Variants in SSUH2 observed in about 807,000 individuals in gnomAD.
SSUH2 encodes protein SSUH2 homolog.
A neutral mutation model predicts 55.3 loss-of-function variants in SSUH2; 47 were observed. The observed-to-expected ratio is 0.85, with a 90% CI of 0.67 to 1.08. The LOEUF (loss-of-function observed/expected upper bound fraction) is 1.08, where lower values mean the gene tolerates loss of function less well. SSUH2 is among the 50% of genes least tolerant of loss of function. The pLI is 0.00. For synonymous variants in SSUH2, 212 were observed against 191.5 expected (o/e 1.11, Z -0.89); for missense variants, 535 against 490.7 (o/e 1.09, Z -0.85).
chr3:8,671,884 CT>C (rs1434831240), intron 4 of SSUH2: 3 of 146,734 alleles, frequency 2.0e-5, no homozygotes, highest in Admixed American at 6.7e-5. Context: ...TATCACCCCC[CT>C]CTCCCCACCT....
chr3:8,681,096 C>A (rs546307730), intron 1 of SSUH2, among the ~76,000 whole-genome samples: 1 of 101,078 alleles, frequency 9.9e-6, no homozygotes, highest in Non-Finnish European at 2.4e-5. Flanking sequence ...GGGAGAGGCA[C>A]CCCCGCGAGG....
intron 4 of SSUH2, among the ~76,000 whole-genome samples, chr3:8,671,619 G>A (rs754039971): frequency 6.6e-6 from 1 of 152,144 alleles, no homozygotes; most frequent in Non-Finnish European, 1.5e-5. Flanking sequence ...TCTCAAGTGT[G>A]TAGAGTCCTG....
chr3:8,651,454 C>T (rs1274582128), intron 7 of SSUH2, among the ~76,000 whole-genome samples: 1 of 152,166 alleles, frequency 6.6e-6, no homozygotes, highest in African/African-American at 2.4e-5. Context: ...CAGTGAGTAG[C>T]AGACCATGGC....
chr3:8,622,120 T>C (rs968671150), intron 11 of SSUH2, among the ~76,000 whole-genome samples: 3 of 152,104 alleles, frequency 2.0e-5, no homozygotes, highest in Admixed American at 2.0e-4. Context: ...GGCTGGGAGA[T>C]GGAATTTAGC....
chr3:8,633,817 G>A, intron 3 of SSUH2, 22 bp from the exon 4 acceptor site: 4 of 1,612,220 alleles, frequency 2.5e-6, no homozygotes, highest in Non-Finnish European at 2.5e-6. Context: ...CGAACAGAGA[G>A]GCGGGGGCTT....
At chr3:8,652,429 A>G (rs1453442275) in intron 7 of SSUH2, among the ~76,000 whole-genome samples, 1 of 152,216 alleles carries the variant, frequency 6.6e-6, no homozygotes, top group Admixed American at 6.5e-5. Flanking sequence ...CTTCCATGGC[A>G]TAACCTCAAT....
intron 2 of SSUH2, among the ~76,000 whole-genome samples, chr3:8,679,207 A>AGC (rs1553607109): frequency 6.5e-5 from 3 of 45,824 alleles, no homozygotes; most frequent in Admixed American, 2.3e-4. Context: ...CCCCCATCGC[A>AGC]GGGGGGATGG....
At chr3:8,646,589 C>T (rs574875636), upstream of SSUH2, among the ~76,000 whole-genome samples, 21 of 152,300 alleles carry the variant, frequency 1.4e-4, no homozygotes, top group South Asian at 2.1e-3. Flanking sequence ...GCTCTTAAAA[C>T]GCATGGAAGA....
intron 11 of SSUH2, among the ~76,000 whole-genome samples, chr3:8,620,242 G>A (rs907610926): frequency 2.0e-5 from 3 of 152,096 alleles, no homozygotes; most frequent in Admixed American, 2.0e-4. Flanking sequence ...GTGGGGGTGG[G>A]TTTTTCCCAT....
chr3:8,673,608 C>G (rs1299149330), intron 3 of SSUH2, among the ~76,000 whole-genome samples: 1 of 152,190 alleles, frequency 6.6e-6, no homozygotes, highest in African/African-American at 2.4e-5. Context: ...TGATTGCCAT[C>G]GGTTGCTCAT....
chr3:8,656,757 T>C (rs1343387728), intron 7 of SSUH2, among the ~76,000 whole-genome samples: 1 of 152,220 alleles, frequency 6.6e-6, no homozygotes, highest in African/African-American at 2.4e-5. Flanking sequence ...ACCAAGCTCC[T>C]ACAGGTGGGA....
intron 5 of SSUH2, among the ~76,000 whole-genome samples, chr3:8,670,317 A>T (rs4686289): frequency 0.6 from 91,875 of 151,898 alleles, 29,229 homozygotes; most frequent in Admixed American, 0.69. Flanking sequence ...TGACATTTTG[A>T]ACACTCTGTG....
chr3:8,630,783 G>C (rs370681973), intron 6 of SSUH2, 22 bp downstream of exon 6: 21 of 1,359,090 alleles, frequency 1.5e-5, no homozygotes, highest in Admixed American at 2.9e-5. Flanking sequence ...AAGTATTCCA[G>C]TAATCGCGTT....
intron 5 of SSUH2, among the ~76,000 whole-genome samples, chr3:8,669,885 G>A (rs1704357906): frequency 6.6e-6 from 1 of 152,198 alleles, no homozygotes; most frequent in Admixed American, 6.5e-5. Flanking sequence ...GGGGACATGG[G>A]ACTCAATGTA....
chr3:8,649,959 C>A (rs552657785), intron 7 of SSUH2, among the ~76,000 whole-genome samples: 5 of 152,192 alleles, frequency 3.3e-5, no homozygotes, highest in Non-Finnish European at 7.3e-5. Flanking sequence ...ATGGCCTCTG[C>A]CTGCTTCCCT....
upstream of SSUH2, among the ~76,000 whole-genome samples, chr3:8,647,549 G>A (rs1701855116): frequency 6.6e-6 from 1 of 152,200 alleles, no homozygotes; most frequent in African/African-American, 2.4e-5. Context: ...GTGAGGAGAA[G>A]TACTCCCAGG....
intron 5 of SSUH2, among the ~76,000 whole-genome samples, chr3:8,666,287 T>C (rs550752822): frequency 2.6e-5 from 4 of 152,360 alleles, no homozygotes; most frequent in Non-Finnish European, 5.9e-5. Flanking sequence ...ATGTGGGCTA[T>C]AATTTCCTGA....
intron 3 of SSUH2, among the ~76,000 whole-genome samples, chr3:8,676,706 G>C (rs1705321340): frequency 8.5e-6 from 1 of 117,548 alleles, no homozygotes; most frequent in Admixed American, 9.3e-5. Flanking sequence ...TCACAGGCTG[G>C]GTGAACACAG....
At chr3:8,634,456 A>T in intron 3 of SSUH2, 2 of 1,289,938 alleles carry the variant, frequency 1.6e-6, no homozygotes, top group Non-Finnish European at 1.0e-6. Context: ...CTCCCCTTGC[A>T]TCTTCATGCA....
Sources: allele counts gnomAD v4.1 joint callset (sites outside exome capture counted in the v4.1 genomes callset), GRCh38; gene constraint gnomAD v4.1.1; transcripts MANE v1.5; gene names NCBI Gene and HGNC (gene_info 2026-07-23, HGNC 2026-07-21).